Variants in PTPRD observed in about 807,000 individuals in gnomAD.
PTPRD encodes the protein protein tyrosine phosphatase receptor type D.
In PTPRD, 34 loss-of-function variants were observed where a neutral mutation model predicts 214.5. The ratio of observed to expected loss-of-function variants is 0.16; its 90% CI spans 0.12 to 0.21. The LOEUF (loss-of-function observed/expected upper bound fraction) is 0.21, where lower values mean the gene tolerates loss of function less well. Among genes scored for constraint, PTPRD ranks in the 10% least tolerant of loss-of-function variants. The pLI is 1.00. For synonymous variants in PTPRD, 1,128 were observed against 845.7 expected, an observed-to-expected ratio of 1.33 and a Z score of -5.79; for missense variants, 2,545 against 2,398.7, an observed-to-expected ratio of 1.06 and a Z score of -1.27.
intron 11 of PTPRD, among the ~76,000 whole-genome samples, chr9:8,868,849 T>C (rs1378967686): frequency 6.6e-6 from 1 of 152,160 alleles, no homozygotes; most frequent in African/African-American, 2.4e-5. Flanking sequence ...ACCTCCACTG[T>C]GTGTGAGGTA....
intron 8 of PTPRD, among the ~76,000 whole-genome samples, chr9:9,418,750 G>T (rs1290178201): frequency 6.6e-6 from 1 of 151,892 alleles, no homozygotes; most frequent in African/African-American, 2.4e-5. Context: ...CATAGTCTTT[G>T]CTCTTGAGCA....
At chr9:9,024,352 G>GTTTTTTTTTTTTTTTTTTTTTTT (rs397944358) in intron 10 of PTPRD, among the ~76,000 whole-genome samples, 1 of 140,046 alleles carries the variant, frequency 7.1e-6, no homozygotes, top group Non-Finnish European at 1.5e-5. Flanking sequence ...TTTTTTGTTT[G>GTTTTTTTTTTTTTTTTTTTTTTT]TTTTTTTTTT....
At chr9:9,430,477 C>T (rs982138797) in intron 8 of PTPRD, among the ~76,000 whole-genome samples, 16 of 151,984 alleles carry the variant, frequency 1.1e-4, no homozygotes, top group Non-Finnish European at 2.2e-4. Flanking sequence ...GCCATACTGC[C>T]CAAAGTAATT....
intron 3 of PTPRD, among the ~76,000 whole-genome samples, chr9:10,194,260 T>C (rs2099386904): frequency 6.7e-6 from 1 of 149,914 alleles, no homozygotes; most frequent in Non-Finnish European, 1.5e-5. Flanking sequence ...AAATATCAAA[T>C]ACATTAATCC....
At chr9:8,739,547 G>C (rs983537040) in intron 11 of PTPRD, among the ~76,000 whole-genome samples, 1 of 152,126 alleles carries the variant, frequency 6.6e-6, no homozygotes, top group Non-Finnish European at 1.5e-5. Context: ...TACAACTACA[G>C]GTTTACAGCA....
At chr9:9,317,520 A>C (rs1963919070) in intron 9 of PTPRD, among the ~76,000 whole-genome samples, 1 of 152,042 alleles carries the variant, frequency 6.6e-6, no homozygotes, top group Admixed American at 6.6e-5. Flanking sequence ...TAAACGTCAC[A>C]TCTGCTTGTG....
intron 4 of PTPRD, among the ~76,000 whole-genome samples, chr9:10,004,586 T>C (rs959319869): frequency 1.3e-5 from 2 of 151,982 alleles, no homozygotes; most frequent in South Asian, 2.1e-4. Context: ...TAAATAATTT[T>C]AAGGTGCCAT....
intron 14 of PTPRD, among the ~76,000 whole-genome samples, chr9:8,583,330 C>T (rs1808098140): frequency 1.3e-5 from 2 of 152,130 alleles, no homozygotes; most frequent in Non-Finnish European, 2.9e-5. Flanking sequence ...CTGATTTAGA[C>T]AACATGTTTC....
At chr9:9,146,863 G>A (rs566661662) in intron 10 of PTPRD, among the ~76,000 whole-genome samples, 5 of 152,246 alleles carry the variant, frequency 3.3e-5, no homozygotes, top group African/African-American at 7.2e-5. Flanking sequence ...TTCTACTAGT[G>A]CTTACTAACT....
At chr9:8,931,036 C>G (rs972218317) in intron 11 of PTPRD, among the ~76,000 whole-genome samples, 3 of 152,260 alleles carry the variant, frequency 2.0e-5, no homozygotes, top group Admixed American at 2.0e-4. Flanking sequence ...AGTCCTTGCC[C>G]ATGCCTATGT....
At chr9:9,369,327 T>G (rs2058780906) in intron 9 of PTPRD, among the ~76,000 whole-genome samples, 1 of 152,158 alleles carries the variant, frequency 6.6e-6, no homozygotes, top group African/African-American at 2.4e-5. Context: ...GGTATCTCAT[T>G]GCGGTTTTGA....
chr9:8,532,975 C>T (rs2076090551), intron 14 of PTPRD, among the ~76,000 whole-genome samples: 1 of 151,980 alleles, frequency 6.6e-6, no homozygotes. Context: ...ACAACCCTGA[C>T]CTACCCAGGA....
At chr9:8,907,814 G>A (rs1271288630) in intron 11 of PTPRD, among the ~76,000 whole-genome samples, 1 of 151,984 alleles carries the variant, frequency 6.6e-6, no homozygotes, top group Non-Finnish European at 1.5e-5. Flanking sequence ...GGACCTGTGA[G>A]ATAAAGCAAG....
rs1436921899 is a variant in PTPRD at position 9,964,200 on chromosome 9, A to G, written c.-471-25590T>C. 2.7e-5 allele frequency among the ~76,000 whole-genome samples: 4 copies of G among 148,374 alleles called. No homozygotes were observed. In the South Asian group the frequency reaches 8.7e-4, roughly 32 times the overall value. On this transcript the variant is annotated intron_variant, in intron 4 of 45. Coordinates refer to ENST00000381196, the MANE Select transcript of PTPRD (RefSeq NM_002839.4). The stretch of plus-strand genomic sequence containing the variant: ...GTTTCTCAAATTGGGGGAAAAAAGA[A>G]TCATCAAGTCAATACTGAATTTAGT...
intron 9 of PTPRD, among the ~76,000 whole-genome samples, chr9:9,242,831 C>CTCTCAACT (rs1245028242): frequency 2.0e-5 from 3 of 152,184 alleles, no homozygotes; most frequent in Non-Finnish European, 2.9e-5. Flanking sequence ...CAGCCTTCTT[C>CTCTCAACT]TCTCAACTTG....
At chr9:8,925,560 A>ACCCCCCCCC (rs1555530081) in intron 11 of PTPRD, among the ~76,000 whole-genome samples, 1 of 142,404 alleles carries the variant, frequency 7.0e-6, no homozygotes, top group Non-Finnish European at 1.5e-5. Context: ...AGCTGTGCCC[A>ACCCCCCCCC]CCCCCACCAC....
chr9:10,611,560 A>G (rs1250858338), intron 2 of PTPRD, among the ~76,000 whole-genome samples: 1 of 152,178 alleles, frequency 6.6e-6, no homozygotes, highest in Non-Finnish European at 1.5e-5. Flanking sequence ...ACTTCTGTAA[A>G]AAGAAATGCT....
At chr9:8,756,912 G>A (rs961220823) in intron 11 of PTPRD, among the ~76,000 whole-genome samples, 1 of 152,068 alleles carries the variant, frequency 6.6e-6, no homozygotes, top group Admixed American at 6.6e-5. Context: ...AGGCCGAGGT[G>A]GGCAGATCAC....
At chr9:9,611,374 T>A (rs61580980) in intron 7 of PTPRD, among the ~76,000 whole-genome samples, 5,150 of 150,062 alleles carry the variant, frequency 0.034, 279 homozygotes, top group African/African-American at 0.12. Context: ...CATTATAAAT[T>A]TTTTTTCAAA....
Sources: gnomAD v4.1 joint callset for allele counts (sites outside exome capture counted in the v4.1 genomes callset) on GRCh38, gnomAD v4.1.1 for gene constraint, MANE v1.5 for transcripts, NCBI Gene and HGNC (gene_info 2026-07-23, HGNC 2026-07-21) for gene names.